The following NRXN3 variants were observed in gnomAD, a reference collection of about 807,000 sequenced individuals.
NRXN3 encodes neurexin III.
A neutral mutation model predicts 137.6 loss-of-function variants in NRXN3; 32 were observed. The ratio of observed to expected loss-of-function variants is 0.23; its 90% confidence interval spans 0.18 to 0.31. The LOEUF is 0.31. Ranked by LOEUF, NRXN3 falls within the 10% of genes least tolerant of loss-of-function variation. The pLI is 1.00. For missense variants in NRXN3, 1,574 were observed against 2,062.5 expected (o/e 0.76, Z 4.59); for synonymous variants, 798 against 784.5 (o/e 1.02, Z -0.29).
At chr14:79,401,865 C>A (rs1015794738) in intron 15 of NRXN3, among the ~76,000 whole-genome samples, 36 of 148,062 alleles carry the variant, frequency 2.4e-4, no homozygotes, top group African/African-American at 7.5e-4. Flanking sequence ...AAAAAAAAAA[C>A]AATGAGTATT....
intron 15 of NRXN3, among the ~76,000 whole-genome samples, chr14:79,370,325 T>TG (rs1316456773): frequency 4.0e-4 from 60 of 150,176 alleles, no homozygotes; most frequent in African/African-American, 1.4e-3. Context: ...TTTTTTTTGT[T>TG]TTTTTTTTTT....
intron 15 of NRXN3, among the ~76,000 whole-genome samples, chr14:79,427,327 C>T (rs2095668927): frequency 6.6e-6 from 1 of 152,138 alleles, no homozygotes; most frequent in Non-Finnish European, 1.5e-5. Context: ...CACTAAATTT[C>T]CTTTTTCAAC....
chr14:78,541,003 G>C (rs2096584084), intron 4 of NRXN3, among the ~76,000 whole-genome samples: 1 of 152,158 alleles, frequency 6.6e-6, no homozygotes, highest in Non-Finnish European at 1.5e-5. Flanking sequence ...ACTCTCATGG[G>C]CTTCCCTTTG....
chr14:78,627,153 T>G (rs2097472203), intron 4 of NRXN3, among the ~76,000 whole-genome samples: 1 of 148,274 alleles, frequency 6.7e-6, no homozygotes, highest in African/African-American at 2.5e-5. Context: ...TCATTTTTAT[T>G]AGACTGCTCT....
rs184765186 is a variant in NRXN3 at position 78,179,990 on chromosome 14, C to T, written c.-704+9316C>T. On this transcript the variant is annotated intron_variant, in intron 1 of 20. Coordinates refer to ENST00000335750, the MANE Select transcript of NRXN3 (RefSeq NM_001330195.2). ...CCTCCCAAGAAGCTGGGATTACAGG[C>T]ATGTGCCACGACATCCAGCTAATTT... Among the ~76,000 whole-genome samples, 5 of 152,068 alleles carry T rather than the reference C, an allele frequency of 3.3e-5. No homozygotes were observed. The East Asian group carries it at 9.7e-4, about 29-fold the overall frequency.
chr14:79,250,592 C>A (rs535510316), intron 15 of NRXN3, among the ~76,000 whole-genome samples: 2 of 152,282 alleles, frequency 1.3e-5, no homozygotes, highest in African/African-American at 4.8e-5. Context: ...GTGGTAAAAA[C>A]CAGGAAATAA....
chr14:78,499,523 GC>G (rs2095846501), intron 4 of NRXN3, among the ~76,000 whole-genome samples: 1 of 152,150 alleles, frequency 6.6e-6, no homozygotes, highest in Admixed American at 6.6e-5. Context: ...GTTATCTTTT[GC>G]TGTTTAACAC....
intron 15 of NRXN3, among the ~76,000 whole-genome samples, chr14:79,223,832 CAT>C (rs917219010): frequency 4.6e-5 from 7 of 152,096 alleles, no homozygotes; most frequent in African/African-American, 1.7e-4. Context: ...CTATGGCAAA[CAT>C]AGAATTTTGA....
At chr14:79,138,398 C>T (rs1387888069) in intron 15 of NRXN3, among the ~76,000 whole-genome samples, 2 of 152,208 alleles carry the variant, frequency 1.3e-5, no homozygotes, top group South Asian at 2.1e-4. Flanking sequence ...CAAGTGATCC[C>T]TCCACCTTGG....
At position 78,243,798 on chromosome 14, in the gene NRXN3, A is replaced by T. The variant is rs2067299837; in HGVS notation, c.705A>T (p.Ser235=). The T allele has an allele frequency of 1.3e-6, 2 of 1,573,450 alleles. No homozygotes were observed. Among genetic ancestry groups the T allele is most frequent in the Non-Finnish European group, 1.7e-6 (2 of 1,167,222 alleles). Reference sequence around the variant, plus strand: ...CTGGCTATGGTGGCAAGCTCTGCTCAGAAGGTAAGACCCTCTCCCTCTCTT... The same window carrying T: ...CTGGCTATGGTGGCAAGCTCTGCTCTGAAGGTAAGACCCTCTCCCTCTCTT... ...STTGYGGKLC[S]EDVSQDPGLS... Residue 235 remains serine, a synonymous_variant, in exon 2 of 21, where the codon TCA becomes TCT. Coordinates refer to ENST00000335750, the MANE Select transcript of NRXN3 (RefSeq NM_001330195.2). The surrounding 1 kb of genome is among the most constrained non-coding windows in gnomAD (Gnocchi z 4.2).
chr14:79,025,004 C>T (rs757453109), intron 15 of NRXN3, among the ~76,000 whole-genome samples: 25 of 152,056 alleles, frequency 1.6e-4, no homozygotes, highest in Non-Finnish European at 3.2e-4. Flanking sequence ...GCTGGGATGG[C>T]CCTGGATGTG....
chr14:78,879,117 C>A (rs1185779118), intron 10 of NRXN3, among the ~76,000 whole-genome samples: 1 of 152,098 alleles, frequency 6.6e-6, no homozygotes, highest in Non-Finnish European at 1.5e-5. Context: ...TGTCGATGAA[C>A]ACTTAGGTTG....
Position 79,861,932 on chromosome 14 carries a change from C to T in NRXN3, c.4684C>T (p.Gln1562Ter). The change falls in exon 21 of 21, where the codon CAG becomes TAG. Residue 1562 changes from glutamine (Q) to a stop codon, truncating the protein, a stop_gained. Transcript: ENST00000335750. LOFTEE classifies it high-confidence loss of function. The surrounding 1 kb of genome is among the most constrained non-coding windows in gnomAD (Gnocchi z 5.4). ...QQSSKSGHKK[Q>*]KNKDREYYV ...GAGCTCGAAGAGCGGCCACAAGAAA[C>T]AGAAAAACAAGGACAGGGAGTATTA... is the stretch of plus-strand genomic sequence containing the variant. The T allele has an allele frequency of 6.2e-7, 1 of 1,613,328 alleles. No individual in the cohort carries two copies. The highest frequency in any genetic ancestry group is 8.5e-7 in the Non-Finnish European group (1 of 1,179,686).
chr14:78,607,509 G>A (rs2097262932), intron 4 of NRXN3, among the ~76,000 whole-genome samples: 2 of 152,050 alleles, frequency 1.3e-5, no homozygotes. Context: ...GAGTCTGGAA[G>A]TCCCCACAGT....
At chr14:79,232,478 GT>G (rs1413891397) in intron 15 of NRXN3, among the ~76,000 whole-genome samples, 1 of 152,066 alleles carries the variant, frequency 6.6e-6, no homozygotes, top group East Asian at 1.9e-4. Context: ...CTCAAATATA[GT>G]TTTCTTCTCT....
chr14:78,490,381 T>A (rs1325853074), intron 4 of NRXN3, among the ~76,000 whole-genome samples: 1 of 152,162 alleles, frequency 6.6e-6, no homozygotes, highest in Non-Finnish European at 1.5e-5. Context: ...ACAGGTTGGC[T>A]TTGAAAACAA....
chr14:79,180,665 T>A (rs1160321413), intron 15 of NRXN3, among the ~76,000 whole-genome samples: 1 of 152,184 alleles, frequency 6.6e-6, no homozygotes, highest in East Asian at 1.9e-4. Flanking sequence ...GTTTAGTTCA[T>A]ATCTAAAAAC....
intron 15 of NRXN3, among the ~76,000 whole-genome samples, chr14:79,321,833 C>A (rs1019600178): frequency 6.7e-6 from 1 of 148,276 alleles, no homozygotes; most frequent in African/African-American, 2.5e-5. Context: ...AATAAATGAT[C>A]AACATACCTA....
chr14:78,639,740 T>C (rs1171109785), intron 4 of NRXN3, among the ~76,000 whole-genome samples: 1 of 152,132 alleles, frequency 6.6e-6, no homozygotes, highest in Admixed American at 6.5e-5. Flanking sequence ...TATGGTGTAG[T>C]AGGAAAAGCA....
Sources: gnomAD v4.1 joint callset for allele counts (sites outside exome capture counted in the v4.1 genomes callset) on GRCh38, gnomAD v4.1.1 for gene constraint, Gnocchi (gnomAD v3.1) non-coding constraint, MANE v1.5 for transcripts, NCBI Gene and HGNC (gene_info 2026-07-23, HGNC 2026-07-21) for gene names.